The following XKR6 variants were observed in gnomAD, a reference collection of about 807,000 sequenced individuals.
XKR6 encodes XK-related protein 6.
XKR6 carries 22 observed loss-of-function variants against 56.7 expected under a neutral mutation model. The observed-to-expected ratio is 0.39, with a 90% CI of 0.28 to 0.55. The LOEUF (loss-of-function observed/expected upper bound fraction) is 0.55, where lower values mean the gene tolerates loss of function less well. Ranked by LOEUF, XKR6 falls within the 20% of genes least tolerant of loss-of-function variation. The pLI, the probability that XKR6 is intolerant of heterozygous loss-of-function variation, is 0.66. For synonymous variants in XKR6, 524 were observed against 387.8 expected, an observed-to-expected ratio of 1.35 and a Z score of -4.13; for missense variants, 852 against 889.0, an observed-to-expected ratio of 0.96 and a Z score of 0.53.
chr8:11,129,095 T>A (rs1430017016), intron 1 of XKR6: 5 of 385,758 alleles, frequency 1.3e-5, no homozygotes, highest in Non-Finnish European at 2.5e-5. Flanking sequence ...AAGAGCCCAA[T>A]CAAGAAAATA....
At chr8:11,049,977 T>G (rs148631710) in intron 1 of XKR6, among the ~76,000 whole-genome samples, 1 of 152,238 alleles carries the variant, frequency 6.6e-6, no homozygotes, top group Non-Finnish European at 1.5e-5. Flanking sequence ...CCCGGGCCCC[T>G]CGTGAGGAAA....
At chr8:11,111,139 C>A (rs760789027) in intron 1 of XKR6, among the ~76,000 whole-genome samples, 4 of 151,838 alleles carry the variant, frequency 2.6e-5, no homozygotes, top group Admixed American at 6.6e-5. Flanking sequence ...CAGGCGTGAG[C>A]CACTGCGCCT....
At chr8:11,173,350 A>T (rs4841505) in intron 1 of XKR6, among the ~76,000 whole-genome samples, 69,710 of 142,294 alleles carry the variant, frequency 0.49, 18,009 homozygotes, top group African/African-American at 0.63. Flanking sequence ...CCTTAAAAAA[A>T]ATATATATAT....
At chr8:11,062,797 C>T (rs1488654415) in intron 1 of XKR6, 1 of 456,290 alleles carries the variant, frequency 2.2e-6, no homozygotes, top group Non-Finnish European at 4.4e-6. Context: ...ACAGAGCCAG[C>T]CCCACCTCCC....
intron 1 of XKR6, among the ~76,000 whole-genome samples, chr8:11,103,521 C>A (rs1172044926): frequency 6.6e-6 from 1 of 152,140 alleles, no homozygotes; most frequent in Non-Finnish European, 1.5e-5. Flanking sequence ...CTAGATTCCA[C>A]AAATGGGGCT....
chr8:11,003,048 T>G (rs542032852), intron 1 of XKR6, among the ~76,000 whole-genome samples: 3 of 151,430 alleles, frequency 2.0e-5, no homozygotes, highest in Admixed American at 6.6e-5. Context: ...GGACACTCCC[T>G]GCTTCAGCTC....
intron 1 of XKR6, among the ~76,000 whole-genome samples, chr8:11,003,663 C>T (rs185736789): frequency 5.7e-4 from 87 of 152,312 alleles, no homozygotes; most frequent in Admixed American, 1.0e-3. Flanking sequence ...AGCCATGCAG[C>T]CTGCTCAAAG....
intron 1 of XKR6, among the ~76,000 whole-genome samples, chr8:10,986,973 G>C (rs1314599432): frequency 6.6e-6 from 1 of 151,640 alleles, no homozygotes; most frequent in African/African-American, 2.4e-5. Flanking sequence ...TTTTCTCTTA[G>C]AGATGGGGGT....
intron 1 of XKR6, chr8:11,108,975 C>T (rs532416461): frequency 6.6e-6 from 1 of 152,350 alleles, no homozygotes; most frequent in African/African-American, 2.4e-5. Flanking sequence ...TCTGGGTGTT[C>T]CTATGTATTT....
intron 1 of XKR6, among the ~76,000 whole-genome samples, chr8:10,940,018 C>T (rs201829001): frequency 2.0e-5 from 3 of 152,188 alleles, no homozygotes; most frequent in East Asian, 1.9e-4. Flanking sequence ...GGAGTGTTTG[C>T]GAGAAATCCT....
At chr8:10,943,920 T>C (rs75186719) in intron 1 of XKR6, among the ~76,000 whole-genome samples, 5,113 of 152,210 alleles carry the variant, frequency 0.034, 320 homozygotes, top group African/African-American at 0.12. Context: ...TCAATGGCCC[T>C]GCTAAAGCCA....
chr8:10,989,152 T>G (rs79681954), intron 1 of XKR6, among the ~76,000 whole-genome samples: 4,464 of 152,304 alleles, frequency 0.029, 163 homozygotes, highest in African/African-American at 0.087. Flanking sequence ...TACAAGGAGC[T>G]GGGTGATGCC....
chr8:10,963,442 G>A (rs1453159060), intron 1 of XKR6, among the ~76,000 whole-genome samples: 1 of 152,110 alleles, frequency 6.6e-6, no homozygotes, highest in African/African-American at 2.4e-5. Context: ...CCTGCCTCCA[G>A]TCTTCCTGCT....
At chr8:11,116,795 CCT>C (rs1381872142) in intron 1 of XKR6, among the ~76,000 whole-genome samples, 3 of 152,202 alleles carry the variant, frequency 2.0e-5, no homozygotes, top group Admixed American at 6.5e-5. Flanking sequence ...GCCATTTCCC[CCT>C]TTTTCCTTCA....
intron 1 of XKR6, among the ~76,000 whole-genome samples, chr8:11,060,701 G>C (rs1348580766): frequency 6.6e-6 from 1 of 152,240 alleles, no homozygotes; most frequent in Non-Finnish European, 1.5e-5. Flanking sequence ...GCTATTCAAT[G>C]CCTGCCTACT....
intron 1 of XKR6, among the ~76,000 whole-genome samples, chr8:11,061,674 C>T (rs183674204): frequency 1.3e-5 from 2 of 152,210 alleles, no homozygotes; most frequent in African/African-American, 4.8e-5. Flanking sequence ...GTCCTGGGGG[C>T]TGTGAAAGTA....
chr8:10,910,338 T>G (rs1800315549), intron 2 of XKR6, among the ~76,000 whole-genome samples: 1 of 152,188 alleles, frequency 6.6e-6, no homozygotes, highest in Admixed American at 6.5e-5. Flanking sequence ...ATTTAGATCT[T>G]CCAAAGAATT....
chr8:10,901,688 T>C (rs576383711), intron 2 of XKR6, among the ~76,000 whole-genome samples: 2 of 152,260 alleles, frequency 1.3e-5, no homozygotes, highest in South Asian at 4.1e-4. Context: ...GTGTTCCTTC[T>C]AATAAAGCAA....
At chr8:11,079,722 G>C (rs1797653108) in intron 1 of XKR6, among the ~76,000 whole-genome samples, 1 of 152,216 alleles carries the variant, frequency 6.6e-6, no homozygotes, top group African/African-American at 2.4e-5. Context: ...CACTTTGGGA[G>C]GCCAATGTGG....
Sources: allele counts gnomAD v4.1 joint callset (sites outside exome capture counted in the v4.1 genomes callset), GRCh38; gene constraint gnomAD v4.1.1; transcripts MANE v1.5; gene names NCBI Gene and HGNC (gene_info 2026-07-23, HGNC 2026-07-21).